FHIT: variants seen among roughly 807,000 people sequenced by gnomAD.
FHIT encodes the protein fragile histidine triad diadenosine triphosphatase, also known as bis(5'-adenosyl)-triphosphatase.
A neutral mutation model predicts 17.9 loss-of-function variants in FHIT; 19 were observed. That is an observed-to-expected ratio of 1.06 (90% CI 0.74 to 1.56). The LOEUF is 1.56. Among genes scored for constraint, FHIT ranks in the 40% most tolerant of loss-of-function variants. FHIT has a pLI of 0.00. For missense variants in FHIT, 248 were observed against 189.2 expected (o/e 1.31, Z -1.82); for synonymous variants, 81 against 69.7 (o/e 1.16, Z -0.81).
rs558921800 is a variant in FHIT, at chr3:60,302,662, G to A, written c.103+234198C>T. Among the ~76,000 whole-genome samples, 67 of 152,182 alleles carry A rather than the reference G, an allele frequency of 4.4e-4. 1 individual carries two copies. The highest frequency in any genetic ancestry group is 1.4e-3 in the African/African-American group (60 of 41,544). ...CTTCCCATTTCAAAGGTTGTCTTTC[G>A]TATTCCCCAGTCTTCCAACAATCAT... On this transcript the variant is annotated intron_variant, in intron 5 of 9. Coordinates refer to ENST00000492590, the MANE Select transcript of FHIT (RefSeq NM_002012.4).
intron 8 of FHIT, among the ~76,000 whole-genome samples, chr3:59,792,548 C>T (rs1208384132): frequency 6.6e-6 from 1 of 152,084 alleles, no homozygotes; most frequent in African/African-American, 2.4e-5. Context: ...GAACAGACAA[C>T]GTCTATGAGC....
chr3:60,957,106 C>A (rs554824258), intron 3 of FHIT, among the ~76,000 whole-genome samples: 1 of 151,974 alleles, frequency 6.6e-6, no homozygotes. Flanking sequence ...GATACTAAGC[C>A]GGGCAGAGAT....
chr3:60,153,828 G>C (rs1299549450), intron 5 of FHIT, among the ~76,000 whole-genome samples: 1 of 152,120 alleles, frequency 6.6e-6, no homozygotes, highest in Non-Finnish European at 1.5e-5. Flanking sequence ...CCCTGGCCAG[G>C]ATTCAATCAT....
intron 3 of FHIT, among the ~76,000 whole-genome samples, chr3:60,828,887 C>A (rs1298097574): frequency 6.6e-6 from 1 of 151,918 alleles, no homozygotes; most frequent in Non-Finnish European, 1.5e-5. Flanking sequence ...TCAAAACAAA[C>A]AAATAAACAA....
intron 3 of FHIT, among the ~76,000 whole-genome samples, chr3:60,903,951 G>T (rs966033194): frequency 5.9e-5 from 9 of 152,110 alleles, no homozygotes; most frequent in African/African-American, 2.2e-4. Context: ...AAAAAGACAG[G>T]CCTAGCCCTT....
At chr3:60,570,712 A>G (rs1367897962) in intron 4 of FHIT, among the ~76,000 whole-genome samples, 1 of 149,060 alleles carries the variant, frequency 6.7e-6, no homozygotes, top group Non-Finnish European at 1.5e-5. Context: ...TGAAGGCAGA[A>G]ACAATACTTA....
At chr3:59,828,455 T>A (rs1701050373) in intron 8 of FHIT, among the ~76,000 whole-genome samples, 1 of 152,228 alleles carries the variant, frequency 6.6e-6, no homozygotes, top group South Asian at 2.1e-4. Context: ...CATTGACAAC[T>A]TTCTTTATAC....
intron 4 of FHIT, among the ~76,000 whole-genome samples, chr3:60,773,057 G>C (rs782618575): frequency 1.3e-5 from 2 of 152,244 alleles, no homozygotes; most frequent in Non-Finnish European, 2.9e-5. Flanking sequence ...GCATGGTGTG[G>C]CTAGCCTTCT....
intron 5 of FHIT, among the ~76,000 whole-genome samples, chr3:60,423,129 C>T (rs1255475277): frequency 1.3e-5 from 2 of 152,060 alleles, no homozygotes; most frequent in Non-Finnish European, 2.9e-5. Flanking sequence ...CATGGCAAAG[C>T]GAGGGACCAG....
intron 2 of FHIT, among the ~76,000 whole-genome samples, chr3:61,070,947 A>G (rs2106738863): frequency 6.6e-6 from 1 of 152,334 alleles, no homozygotes; most frequent in South Asian, 2.1e-4. Flanking sequence ...TTATTTATGA[A>G]CCAAATAACT....
chr3:60,386,480 T>C (rs1701016838), intron 5 of FHIT, among the ~76,000 whole-genome samples: 1 of 152,180 alleles, frequency 6.6e-6, no homozygotes, highest in African/African-American at 2.4e-5. Context: ...CTTGTTCCTC[T>C]TCCTGTACTC....
chr3:60,240,376 T>C (rs1705063384), intron 5 of FHIT, among the ~76,000 whole-genome samples: 1 of 152,158 alleles, frequency 6.6e-6, no homozygotes, highest in African/African-American at 2.4e-5. Flanking sequence ...AATAAACTGA[T>C]AACAAAACCC....
chr3:61,048,687 AT>A (rs1359635733), intron 2 of FHIT, among the ~76,000 whole-genome samples: 1 of 152,224 alleles, frequency 6.6e-6, no homozygotes, highest in Non-Finnish European at 1.5e-5. Context: ...ACGTATGTTT[AT>A]TGCGGCACGA....
intron 8 of FHIT, among the ~76,000 whole-genome samples, chr3:59,755,590 G>A (rs1000706314): frequency 1.1e-4 from 17 of 152,170 alleles, no homozygotes; most frequent in African/African-American, 4.1e-4. Flanking sequence ...AGGGGAGGGC[G>A]GTGACTACTT....
intron 4 of FHIT, among the ~76,000 whole-genome samples, chr3:60,555,199 C>G (rs2036702087): frequency 6.6e-6 from 1 of 152,130 alleles, no homozygotes; most frequent in Non-Finnish European, 1.5e-5. Flanking sequence ...TCCCAAACTA[C>G]TGATTCCCTG....
At position 60,464,019 on chromosome 3, in the gene FHIT, A is replaced by C. The variant is rs2032639309; in HGVS notation, c.103+72841T>G. ...TGGAAGAACATGTAATTTGCCCTTT[A>C]TTTGCACAGTTTGGAATCATCATCA... is the stretch of plus-strand genomic sequence containing the variant. On this transcript the variant is annotated intron_variant, in intron 5 of 9. Transcript: ENST00000492590. Among the ~76,000 whole-genome samples, 6 of 152,322 alleles carry C rather than the reference A, an allele frequency of 3.9e-5. No individual in the cohort carries two copies. The South Asian group carries it at 1.2e-3, about 32-fold the overall frequency.
chr3:59,831,868 G>C (rs1013800934), intron 8 of FHIT, among the ~76,000 whole-genome samples: 1 of 152,132 alleles, frequency 6.6e-6, no homozygotes, highest in African/African-American at 2.4e-5. Flanking sequence ...AAAGGGTATT[G>C]CTCCCCTTTC....
At chr3:59,928,797 C>T (rs1205082200) in intron 7 of FHIT, among the ~76,000 whole-genome samples, 2 of 152,022 alleles carry the variant, frequency 1.3e-5, no homozygotes, top group Non-Finnish European at 2.9e-5. Context: ...GAGTTCGAGA[C>T]CAGCCTGGCC....
intron 8 of FHIT, among the ~76,000 whole-genome samples, chr3:59,872,987 C>A (rs141966394): frequency 6.6e-6 from 1 of 152,186 alleles, no homozygotes; most frequent in Admixed American, 6.5e-5. Context: ...CTAGAAGCAG[C>A]CCTGCTCACC....
Sources: gnomAD v4.1 joint callset for allele counts (sites outside exome capture counted in the v4.1 genomes callset) on GRCh38, gnomAD v4.1.1 for gene constraint, MANE v1.5 for transcripts, NCBI Gene and HGNC (gene_info 2026-07-23, HGNC 2026-07-21) for gene names.